Variants in UST observed in about 807,000 individuals in gnomAD.
UST encodes chondroitin sulfate 2-O-sulfotransferase.
Under a neutral mutation model 45.6 loss-of-function variants are expected in UST, and 21 were observed. The ratio of observed to expected loss-of-function variants is 0.46; its 90% confidence interval spans 0.33 to 0.66. The LOEUF is 0.66. UST is among the 30% of genes least tolerant of loss of function. The probability of loss-of-function intolerance (pLI) is 0.02; values close to 1 mark genes in which losing one functional copy is unlikely to be tolerated. For missense variants in UST, 463 were observed against 512.4 expected (o/e 0.90, Z 0.93); for synonymous variants, 215 against 200.6 (o/e 1.07, Z -0.61).
chr6:148,793,116 TAAGAG>T (rs1423153478), intron 1 of UST, among the ~76,000 whole-genome samples: 1 of 152,132 alleles, frequency 6.6e-6, no homozygotes, highest in Non-Finnish European at 1.5e-5. Flanking sequence ...TTTTTAATAT[TAAGAG>T]AAACAAGATT....
At chr6:148,834,261 A>T (rs1410495433) in intron 1 of UST, among the ~76,000 whole-genome samples, 1 of 152,254 alleles carries the variant, frequency 6.6e-6, no homozygotes, top group Non-Finnish European at 1.5e-5. Context: ...ACCACATTTT[A>T]AAAATAAAAC....
intron 7 of UST, among the ~76,000 whole-genome samples, chr6:149,071,596 G>A (rs751529571): frequency 1.2e-4 from 18 of 151,714 alleles, no homozygotes; most frequent in Non-Finnish European, 2.6e-4. Context: ...CCAAAAGTCA[G>A]GCAATATGAG....
At position 148,946,510 on chromosome 6, in the gene UST, C is replaced by CAAAAAAAAAAAAAAAA. The variant is rs71007930; in HGVS notation, c.447+5080_447+5095dup. On this transcript the variant is annotated intron_variant, in intron 3 of 7. Transcript: ENST00000367463. ...TGGGCGACAGAGCAAGACTCCATCT[C>CAAAAAAAAAAAAAAAA]AAAAAAAAAAAAAAAAAAAGGCCGG... is the stretch of plus-strand genomic sequence containing the variant. Among the ~76,000 whole-genome samples the CAAAAAAAAAAAAAAAA allele has an allele frequency of 1.7e-3, 57 of 33,940 alleles. 4 individuals are homozygous for CAAAAAAAAAAAAAAAA. The highest frequency in any genetic ancestry group is 1.9e-3 in the East Asian group (2 of 1,028). The allele number at this position is 33,940 out of a possible 152,430, so 22.3% of individuals were successfully genotyped here. A position where few individuals can be genotyped will look rare whatever the true frequency, so the allele number is the denominator to read the frequency against.
At chr6:148,831,958 A>C (rs1471144488) in intron 1 of UST, among the ~76,000 whole-genome samples, 1 of 152,188 alleles carries the variant, frequency 6.6e-6, no homozygotes, top group East Asian at 1.9e-4. Flanking sequence ...CAATGGGTCT[A>C]ATACTTGTAA....
intron 1 of UST, among the ~76,000 whole-genome samples, chr6:148,784,918 G>A (rs564732564): frequency 1.3e-5 from 2 of 152,298 alleles, no homozygotes; most frequent in South Asian, 4.1e-4. Context: ...ATAATGAAGA[G>A]CATATATGTG....
chr6:148,871,768 C>G (rs2114817145), intron 1 of UST, among the ~76,000 whole-genome samples: 1 of 152,260 alleles, frequency 6.6e-6, no homozygotes. Context: ...AATTTCATTA[C>G]ATAAGAGAAA....
intron 1 of UST, among the ~76,000 whole-genome samples, chr6:148,774,747 G>A (rs116454219): frequency 0.02 from 3,052 of 152,240 alleles, 94 homozygotes; most frequent in African/African-American, 0.069. Flanking sequence ...GGTCAGGTGC[G>A]GTGGCTCACG....
intron 5 of UST, among the ~76,000 whole-genome samples, chr6:149,015,304 C>G (rs1458549297): frequency 1.3e-5 from 2 of 152,202 alleles, no homozygotes; most frequent in Non-Finnish European, 2.9e-5. Context: ...CATTGCAACA[C>G]AAATGGATTA....
At chr6:148,972,760 A>G (rs975681610) in intron 5 of UST, among the ~76,000 whole-genome samples, 1 of 152,238 alleles carries the variant, frequency 6.6e-6, no homozygotes, top group East Asian at 1.9e-4. Flanking sequence ...GGTGGCTAAC[A>G]TTTATTAAGG....
chr6:148,764,040 G>A (rs1016839550), intron 1 of UST, among the ~76,000 whole-genome samples: 6 of 152,170 alleles, frequency 3.9e-5, no homozygotes, highest in Middle Eastern at 3.4e-3. Context: ...AAATGACATC[G>A]GTAATTTGAT....
chr6:148,915,386 G>C (rs1342032145), intron 2 of UST, among the ~76,000 whole-genome samples: 1 of 152,110 alleles, frequency 6.6e-6, no homozygotes, highest in South Asian at 2.1e-4. Flanking sequence ...GGCCCCTGGA[G>C]CTCTAGCCAT....
chr6:148,963,867 G>A (rs573632996), intron 4 of UST, among the ~76,000 whole-genome samples: 1 of 152,204 alleles, frequency 6.6e-6, no homozygotes, highest in Non-Finnish European at 1.5e-5. Flanking sequence ...AAGGTGAATA[G>A]CGAGTGCTCA....
At chr6:148,924,874 A>T (rs935859248) in intron 2 of UST, among the ~76,000 whole-genome samples, 1 of 152,150 alleles carries the variant, frequency 6.6e-6, no homozygotes, top group Non-Finnish European at 1.5e-5. Flanking sequence ...AGAAGGTGGA[A>T]TGCGTGTTTT....
chr6:148,755,076 T>G (rs1776069576), intron 1 of UST, among the ~76,000 whole-genome samples: 1 of 152,236 alleles, frequency 6.6e-6, no homozygotes, highest in South Asian at 2.1e-4. Context: ...AACAGCAGAT[T>G]ATAGTACAAT....
intron 7 of UST, among the ~76,000 whole-genome samples, chr6:149,035,948 C>A (rs1776234477): frequency 6.6e-6 from 1 of 152,030 alleles, no homozygotes; most frequent in Non-Finnish European, 1.5e-5. Context: ...AAAAATTATC[C>A]AAACATCTGC....
intron 7 of UST, among the ~76,000 whole-genome samples, chr6:149,064,146 G>T (rs144633635): frequency 6.6e-6 from 1 of 152,310 alleles, no homozygotes; most frequent in Non-Finnish European, 1.5e-5. Context: ...TCCAGCAAAT[G>T]AATCAGAGTG....
chr6:149,007,690 C>T (rs1251446727), intron 5 of UST, among the ~76,000 whole-genome samples: 2 of 151,912 alleles, frequency 1.3e-5, no homozygotes, highest in Non-Finnish European at 2.9e-5. Context: ...TCCCAAAATG[C>T]TGGGATTACA....
intron 1 of UST, among the ~76,000 whole-genome samples, chr6:148,754,438 G>T (rs144275252): frequency 6.6e-6 from 1 of 152,050 alleles, no homozygotes; most frequent in Non-Finnish European, 1.5e-5. Context: ...TCAATTTCTG[G>T]TCTTTTGTCC....
chr6:148,967,552 CTG>C (rs1352832141), intron 5 of UST, among the ~76,000 whole-genome samples: 1 of 152,188 alleles, frequency 6.6e-6, no homozygotes, highest in Non-Finnish European at 1.5e-5. Flanking sequence ...TCAGAAGAGT[CTG>C]TCCTCATTTT....
Sources: gnomAD v4.1 joint callset for allele counts (sites outside exome capture counted in the v4.1 genomes callset) on GRCh38, gnomAD v4.1.1 for gene constraint, MANE v1.5 for transcripts, NCBI Gene and HGNC (gene_info 2026-07-23, HGNC 2026-07-21) for gene names.